LPIN1: variants seen among roughly 807,000 people sequenced by gnomAD.
The protein encoded by LPIN1 is lipin 1, also known as phosphatidate phosphatase LPIN1.
LPIN1 carries 71 observed loss-of-function variants against 107.5 expected under a neutral mutation model. The observed-to-expected ratio is 0.66, with a 90% CI of 0.55 to 0.80. The LOEUF is 0.80. Among genes scored for constraint, LPIN1 ranks in the 30% least tolerant of loss-of-function variants. The probability of loss-of-function intolerance (pLI) is 0.00; values close to 1 mark genes in which losing one functional copy is unlikely to be tolerated. For missense variants in LPIN1, 1,043 were observed against 1,160.6 expected (o/e 0.90, Z 1.47); for synonymous variants, 445 against 452.6 (o/e 0.98, Z 0.21).
chr2:11,782,691 G>A (rs146833696), intron 8 of LPIN1, among the ~76,000 whole-genome samples, 184 bp downstream of exon 8: 1 of 152,264 alleles, frequency 6.6e-6, no homozygotes, highest in African/African-American at 2.4e-5. Flanking sequence ...TAGGAAATCA[G>A]ACATGAAGAA....
At chr2:11,788,887 G>T (rs1468816726) in intron 12 of LPIN1, among the ~76,000 whole-genome samples, 1 of 152,204 alleles carries the variant, frequency 6.6e-6, no homozygotes, top group Admixed American at 6.5e-5. Context: ...CAGGAAGCCA[G>T]CCCCATGCCT....
intron 1 of LPIN1, among the ~76,000 whole-genome samples, chr2:11,737,984 C>T (rs948121582): frequency 5.9e-5 from 9 of 152,162 alleles, no homozygotes; most frequent in African/African-American, 1.9e-4. Context: ...TTGGAACCAA[C>T]CCAAATGCCC....
At chr2:11,722,271 G>A (rs561007230), upstream of LPIN1, 1 of 152,336 alleles carries the variant, frequency 6.6e-6, no homozygotes, top group East Asian at 1.9e-4. Flanking sequence ...TGAGATTACA[G>A]ACAAATGTAA....
chr2:11,790,970 C>T (rs1675618876), intron 12 of LPIN1, among the ~76,000 whole-genome samples: 1 of 151,754 alleles, frequency 6.6e-6, no homozygotes, highest in Non-Finnish European at 1.5e-5. Context: ...CTTTCTTTGG[C>T]CTGCTTTCTT....
intron 8 of LPIN1, 102 bp from the exon 9 acceptor site, chr2:11,783,727 G>A: frequency 1.0e-6 from 1 of 968,224 alleles, no homozygotes; most frequent in Non-Finnish European, 1.7e-6. Flanking sequence ...GTACCTGGGA[G>A]CAAATCTGCA....
upstream of LPIN1, among the ~76,000 whole-genome samples, chr2:11,723,082 C>T (rs1664270844): frequency 6.6e-6 from 1 of 152,180 alleles, no homozygotes; most frequent in Non-Finnish European, 1.5e-5. Flanking sequence ...AAATCTCTTC[C>T]CTGTAAGAAT....
intron 1 of LPIN1, among the ~76,000 whole-genome samples, chr2:11,693,788 GTATATATATATA>G (rs869167624): frequency 2.0e-3 from 81 of 40,972 alleles, no homozygotes; most frequent in Admixed American, 3.5e-3. Context: ...GTGTGAGTGT[GTATATATATATA>G]TATATATATA....
In LPIN1 at chr2:11,795,453, G is replaced by A. The variant is rs146100011; in HGVS notation, c.1852G>A (p.Gly618Arg). 8.8e-4 allele frequency: 1,424 copies of A among 1,614,112 alleles called. 1 individual carries two copies. The highest frequency in any genetic ancestry group is 2.4e-3 in the Admixed American group (142 of 60,022). ...CTTGGCTGGCAAGGCCCATAGCACC[G>A]GAGAGCAACCGCCGCAGCTCAGCTT... ...QCLAGKAHSTGEQPPQLSLAT... is the reference protein window; with the variant it reads ...QCLAGKAHSTREQPPQLSLAT... Residue 618 changes from glycine to arginine, a missense_variant, in exon 14 of 21, where the codon GGA becomes AGA. Transcript: ENST00000674199.
At chr2:11,747,018 C>G (rs1667058960) in intron 1 of LPIN1, among the ~76,000 whole-genome samples, 1 of 152,196 alleles carries the variant, frequency 6.6e-6, no homozygotes, top group Non-Finnish European at 1.5e-5. Context: ...ACCGCGGGGA[C>G]TAGCTCCAGC....
At chr2:11,813,579 G>C (rs995208530) in intron 17 of LPIN1, among the ~76,000 whole-genome samples, 1 of 151,956 alleles carries the variant, frequency 6.6e-6, no homozygotes, top group Admixed American at 6.6e-5. Context: ...TTTATACTTA[G>C]AGCACATTTC....
At position 11,780,619 on chromosome 2, in the gene LPIN1, G is replaced by A. The variant is rs114838544; in HGVS notation, c.957+974G>A. Among the ~76,000 whole-genome samples, 1,068 of 152,302 alleles carry A rather than the reference G, an allele frequency of 7.0e-3. 16 individuals carry two copies. Among genetic ancestry groups the A allele is most frequent in the African/African-American group, 0.024 (978 of 41,564 alleles). On this transcript the variant is annotated intron_variant, in intron 7 of 20. Coordinates refer to ENST00000674199, the MANE Select transcript of LPIN1 (RefSeq NM_001349206.2). ...AAATAGAGAAGCAGCTGAGGGTAGCGGAGAGAATGAGGGCCTGGGAGGCAG... is the reference window on the plus strand; with the variant it reads ...AAATAGAGAAGCAGCTGAGGGTAGCAGAGAGAATGAGGGCCTGGGAGGCAG...
chr2:11,786,252 A>G lies in LPIN1; in HGVS notation c.1550-822A>G, dbSNP rs1261659715. Among the ~76,000 whole-genome samples, 1 of 152,128 alleles carries G rather than the reference A, an allele frequency of 6.6e-6. No individual in the cohort carries two copies. Among genetic ancestry groups the G allele is most frequent in the Admixed American group, 6.5e-5 (1 of 15,288 alleles). On this transcript the variant is annotated intron_variant, in intron 10 of 20. Transcript: ENST00000674199. The surrounding 1 kb of genome is among the most constrained non-coding windows in gnomAD (Gnocchi z 4.1). ...TGTTGAAGCCAGTCAGGCTGGCATCAAGACCCAGGGACTCTTTTCCTGGAC... is the reference window on the plus strand; with the variant it reads ...TGTTGAAGCCAGTCAGGCTGGCATCGAGACCCAGGGACTCTTTTCCTGGAC...
At chr2:11,729,574 C>T (rs1664991929) in intron 1 of LPIN1, among the ~76,000 whole-genome samples, 1 of 152,060 alleles carries the variant, frequency 6.6e-6, no homozygotes, top group Non-Finnish European at 1.5e-5. Flanking sequence ...AAAGTTATGC[C>T]CATTTGGTTA....
At chr2:11,694,202 A>G (rs1026006021) in intron 1 of LPIN1, among the ~76,000 whole-genome samples, 2 of 152,050 alleles carry the variant, frequency 1.3e-5, no homozygotes, top group Admixed American at 6.6e-5. Context: ...TCATTTTGGA[A>G]CAGAATGATA....
In LPIN1 at chr2:11,801,061, C is replaced by T. The variant is rs923029606; in HGVS notation, c.1887-1846C>T. Among the ~76,000 whole-genome samples the T allele has an allele frequency of 9.2e-5, 14 of 152,174 alleles. 1 individual carries two copies. The highest frequency in any genetic ancestry group is 6.2e-4 in the South Asian group (3 of 4,828). ...AATCAAAACCACAGTGAGATAGCATCTCACCCCAGTTAGCATGGCTATTAT... is the reference window on the plus strand; with the variant it reads ...AATCAAAACCACAGTGAGATAGCATTTCACCCCAGTTAGCATGGCTATTAT... On this transcript the variant is annotated intron_variant, in intron 14 of 20. Transcript: ENST00000674199.
At chr2:11,799,957 T>G (rs1351038896) in intron 14 of LPIN1, among the ~76,000 whole-genome samples, 1 of 152,210 alleles carries the variant, frequency 6.6e-6, no homozygotes, top group Admixed American at 6.5e-5. Flanking sequence ...CGTTGTTCCA[T>G]CCACGTGTAG....
intron 1 of LPIN1, among the ~76,000 whole-genome samples, chr2:11,750,745 G>A (rs915555028): frequency 1.4e-4 from 21 of 152,214 alleles, no homozygotes; most frequent in Middle Eastern, 3.2e-3. Context: ...GGAAGGTGGA[G>A]GCAGGATTTG....
Position 11,776,113 on chromosome 2 carries a change from C to A in LPIN1, c.750C>A (p.Ala250=), listed in dbSNP as rs574017197. ...GCCTGGTAGATTGCAAAAGGACTGC[C>A]CCTCATCTTGCAGTTGCGGCCGAGG... ...PSSLVDCKRT[A]PHLAVAAEGG... is the part of the protein sequence containing the mutation. Residue 250 remains alanine, a synonymous_variant, in exon 6 of 21, where the codon GCC becomes GCA. Transcript: ENST00000674199. 3 of 1,548,294 alleles carry A rather than the reference C, an allele frequency of 1.9e-6. No individual in the cohort carries two copies. The highest frequency in any genetic ancestry group is 4.9e-5 in the East Asian group (2 of 40,844).
In LPIN1 at chr2:11,771,794, G is replaced by A; in HGVS notation, c.596+115G>A. ...TTATTCTTTTATGTGTTTTAGACCA[G>A]TGGTCCCCAACCTTTTTGGCACTAG... On this transcript the variant is annotated intron_variant, in intron 4 of 20. Transcript: ENST00000674199. The surrounding 1 kb of genome is among the most constrained non-coding windows in gnomAD (Gnocchi z 4.8). The A allele has an allele frequency of 2.6e-6, 3 of 1,150,140 alleles. No homozygotes were observed. The highest frequency in any genetic ancestry group is 3.7e-6 in the Non-Finnish European group (3 of 814,460). 71.2% of individuals were successfully genotyped at this position (1,150,140 alleles called of 1,614,324 possible). A position where few individuals can be genotyped will look rare whatever the true frequency, so the allele number is the denominator to read the frequency against.
Sources: allele counts gnomAD v4.1 joint callset (sites outside exome capture counted in the v4.1 genomes callset), GRCh38; gene constraint gnomAD v4.1.1; non-coding constraint Gnocchi (gnomAD v3.1); transcripts MANE v1.5; gene names NCBI Gene and HGNC (gene_info 2026-07-23, HGNC 2026-07-21).